Variants in UNC5D observed in about 807,000 individuals in gnomAD.
UNC5D encodes netrin receptor UNC5D.
In UNC5D, 39 loss-of-function variants were observed where a neutral mutation model predicts 105.4. That is an observed-to-expected ratio of 0.37 (90% CI 0.29 to 0.48). The LOEUF is 0.48. Among genes scored for constraint, UNC5D ranks in the 20% least tolerant of loss-of-function variants. The pLI is 0.98. For missense variants in UNC5D, 991 were observed against 1,202.4 expected (o/e 0.82, Z 2.60); for synonymous variants, 452 against 450.4 (o/e 1.00, Z -0.04).
At chr8:35,643,994 C>T (rs149702050) in intron 4 of UNC5D, among the ~76,000 whole-genome samples, 7 of 152,174 alleles carry the variant, frequency 4.6e-5, no homozygotes, top group African/African-American at 1.4e-4. Flanking sequence ...AACAATAAAG[C>T]TGTTGGGGAT....
Position 35,545,770 on chromosome 8 carries a change from A to T in UNC5D, c.104-3522A>T, listed in dbSNP as rs567465727. Reference sequence around the variant, plus strand: ...TCACCTTCCCACTGCCACTCTAGTAAATCATTTTCCTTCTTTTCTTATTTT... The same window carrying T: ...TCACCTTCCCACTGCCACTCTAGTATATCATTTTCCTTCTTTTCTTATTTT... On this transcript the variant is annotated intron_variant, in intron 1 of 16. Coordinates refer to ENST00000404895, the MANE Select transcript of UNC5D (RefSeq NM_080872.4). 1.4e-3 allele frequency among the ~76,000 whole-genome samples: 218 copies of T among 152,196 alleles called. 1 individual carries two copies. Among genetic ancestry groups the T allele is most frequent in the Non-Finnish European group, 2.6e-3 (175 of 68,000 alleles).
intron 3 of UNC5D, among the ~76,000 whole-genome samples, chr8:35,571,239 A>G (rs1477764962): frequency 6.6e-6 from 1 of 152,178 alleles, no homozygotes; most frequent in Non-Finnish European, 1.5e-5. Context: ...TTAGAGATTT[A>G]AAAACTATTT....
At chr8:35,759,610 G>A (rs907947804) in intron 14 of UNC5D, 141 bp downstream of exon 14, 20 of 971,968 alleles carry the variant, frequency 2.1e-5, no homozygotes, top group African/African-American at 1.3e-4. Flanking sequence ...AAATGTAACA[G>A]TTTGGACTAC....
intron 1 of UNC5D, among the ~76,000 whole-genome samples, chr8:35,471,381 A>G (rs779373325): frequency 4.5e-4 from 69 of 152,270 alleles, no homozygotes; most frequent in Admixed American, 1.0e-3. Context: ...CTCTCAGCAA[A>G]TAGAAGACAC....
chr8:35,573,652 TGAA>T (rs2130809536), intron 3 of UNC5D, among the ~76,000 whole-genome samples: 1 of 152,314 alleles, frequency 6.6e-6, no homozygotes, highest in South Asian at 2.1e-4. Flanking sequence ...AGTGTTTCCT[TGAA>T]GAAAGCTGTA....
chr8:35,381,100 A>C (rs1389837175), intron 1 of UNC5D, among the ~76,000 whole-genome samples: 1 of 152,112 alleles, frequency 6.6e-6, no homozygotes, highest in Admixed American at 6.5e-5. Context: ...ATATTCTTCC[A>C]GGAAGAATTA....
At chr8:35,432,867 A>G (rs1236287233) in intron 1 of UNC5D, among the ~76,000 whole-genome samples, 4 of 152,182 alleles carry the variant, frequency 2.6e-5, no homozygotes, top group Non-Finnish European at 5.9e-5. Context: ...TCTGGTGCCA[A>G]GAACAATTAA....
chr8:35,527,646 G>A (rs761617130), intron 1 of UNC5D, among the ~76,000 whole-genome samples: 16 of 151,994 alleles, frequency 1.1e-4, no homozygotes, highest in East Asian at 1.9e-4. Flanking sequence ...GGGTTCAAGC[G>A]ATTCTCCTGT....
At chr8:35,356,694 A>G (rs11992772) in intron 1 of UNC5D, among the ~76,000 whole-genome samples, 66,077 of 151,694 alleles carry the variant, frequency 0.44, 14,684 homozygotes, top group East Asian at 0.7. Context: ...GAAGAACTTA[A>G]CAGCTTTTCT....
At chr8:35,258,048 G>A (rs1804202705) in intron 1 of UNC5D, among the ~76,000 whole-genome samples, 2 of 152,138 alleles carry the variant, frequency 1.3e-5, no homozygotes, top group South Asian at 2.1e-4. Flanking sequence ...GACATTTCTT[G>A]CTCATGGTTT....
intron 1 of UNC5D, among the ~76,000 whole-genome samples, chr8:35,516,763 C>T (rs1470829498): frequency 6.6e-5 from 10 of 152,130 alleles, no homozygotes; most frequent in Non-Finnish European, 1.0e-4. Context: ...TTTTGTGCTT[C>T]CCAAGAAGAG....
At chr8:35,454,450 G>A in intron 1 of UNC5D, among the ~76,000 whole-genome samples, 1 of 152,116 alleles carries the variant, frequency 6.6e-6, no homozygotes, top group South Asian at 2.1e-4. Context: ...TAAAAACCAG[G>A]CATAAATTTC....
At chr8:35,450,005 C>T (rs1412560548) in intron 1 of UNC5D, among the ~76,000 whole-genome samples, 2 of 152,106 alleles carry the variant, frequency 1.3e-5, no homozygotes, top group East Asian at 3.9e-4. Context: ...TATTTTGACA[C>T]ATGCTGATCT....
rs10563262 is a variant in UNC5D at position 35,371,176 on chromosome 8, GCACACA to G, written c.103+135312_103+135317del. On this transcript the variant is annotated intron_variant, in intron 1 of 16. Transcript: ENST00000404895. ...TGCAGTGAGCTATGATTGTGCCACT[GCACACA>G]CACACACACACACACACACACAAAG... 2.0e-3 allele frequency among the ~76,000 whole-genome samples: 297 copies of G among 149,170 alleles called. 1 individual carries two copies. Among genetic ancestry groups the G allele is most frequent in the African/African-American group, 5.9e-3 (240 of 40,782 alleles).
At chr8:35,751,387 TTCTAATC>T (rs1408986146) in intron 13 of UNC5D, among the ~76,000 whole-genome samples, 1 of 152,200 alleles carries the variant, frequency 6.6e-6, no homozygotes, top group Non-Finnish European at 1.5e-5. Context: ...AAACCATAAT[TTCTAATC>T]TTGTGGCCGA....
intron 1 of UNC5D, among the ~76,000 whole-genome samples, chr8:35,456,500 A>G (rs2128994869): frequency 6.6e-6 from 1 of 152,314 alleles, no homozygotes; most frequent in South Asian, 2.1e-4. Flanking sequence ...GCAGTTTAGC[A>G]TTCATTTGCA....
At chr8:35,241,047 T>C (rs1475183062) in intron 1 of UNC5D, among the ~76,000 whole-genome samples, 3 of 152,340 alleles carry the variant, frequency 2.0e-5, no homozygotes, top group Admixed American at 6.5e-5. Context: ...CTTGTATTTT[T>C]AGCCTTGTTT....
chr8:35,651,566 A>C, intron 4 of UNC5D, among the ~76,000 whole-genome samples: 1 of 152,228 alleles, frequency 6.6e-6, no homozygotes, highest in East Asian at 1.9e-4. Flanking sequence ...AAGAAAATTC[A>C]CAAAACAGTT....
At chr8:35,421,706 T>C (rs1805916535) in intron 1 of UNC5D, among the ~76,000 whole-genome samples, 1 of 152,202 alleles carries the variant, frequency 6.6e-6, no homozygotes, top group Non-Finnish European at 1.5e-5. Flanking sequence ...TGTACATATA[T>C]ATGTACTCAC....
Sources: gnomAD v4.1 joint callset for allele counts (sites outside exome capture counted in the v4.1 genomes callset) on GRCh38, gnomAD v4.1.1 for gene constraint, MANE v1.5 for transcripts, NCBI Gene and HGNC (gene_info 2026-07-23, HGNC 2026-07-21) for gene names.